GNAQ: variants seen among roughly 807,000 people sequenced by gnomAD.
The protein encoded by GNAQ is guanine nucleotide-binding protein G(q) subunit alpha.
In GNAQ, 8 loss-of-function variants were observed where a neutral mutation model predicts 43.9. That is an observed-to-expected ratio of 0.18 (90% CI 0.11 to 0.33). The LOEUF (loss-of-function observed/expected upper bound fraction) is 0.33, where lower values mean the gene tolerates loss of function less well. Among genes scored for constraint, GNAQ ranks in the 10% least tolerant of loss-of-function variants. The pLI is 1.00. For missense variants in GNAQ, 158 were observed against 450.8 expected (o/e 0.35, Z 5.88); for synonymous variants, 155 against 170.7 (o/e 0.91, Z 0.71).
At chr9:77,797,783 A>G in intron 3 of GNAQ, 135 bp from the exon 4 acceptor site, 2 of 710,738 alleles carry the variant, frequency 2.8e-6, no homozygotes, top group Non-Finnish European at 4.6e-6. Context: ...GTGGTAGAGG[A>G]GTCTGTGGAA....
At chr9:77,937,832 C>A (rs755048189) in intron 1 of GNAQ, among the ~76,000 whole-genome samples, 1 of 152,132 alleles carries the variant, frequency 6.6e-6, no homozygotes, top group South Asian at 2.1e-4. Context: ...GCGGAGGTTG[C>A]GGTGAGCTGA....
At chr9:77,814,245 AG>A (rs2118506490) in intron 3 of GNAQ, among the ~76,000 whole-genome samples, 2 of 152,262 alleles carry the variant, frequency 1.3e-5, no homozygotes, top group African/African-American at 4.8e-5. Context: ...GTGGGAGCCC[AG>A]GAGGAAGGAA....
At chr9:77,875,100 T>A (rs760698774) in intron 2 of GNAQ, among the ~76,000 whole-genome samples, 1 of 152,164 alleles carries the variant, frequency 6.6e-6, no homozygotes, top group African/African-American at 2.4e-5. Flanking sequence ...GTAAACAGCA[T>A]GCTAAATGCA....
intron 2 of GNAQ, among the ~76,000 whole-genome samples, chr9:77,817,428 A>AGGAG (rs1012341681): frequency 7.8e-5 from 11 of 140,620 alleles, no homozygotes; most frequent in South Asian, 5.3e-4. Context: ...AAGGAAGGGA[A>AGGAG]GGAGGGAGGG....
chr9:77,824,081 T>C (rs1161456804), intron 2 of GNAQ, among the ~76,000 whole-genome samples: 1 of 152,228 alleles, frequency 6.6e-6, no homozygotes, highest in Non-Finnish European at 1.5e-5. Flanking sequence ...TTCTTAGCCA[T>C]ATCTCTTTCT....
At chr9:77,865,067 C>T (rs1329876820) in intron 2 of GNAQ, among the ~76,000 whole-genome samples, 1 of 152,174 alleles carries the variant, frequency 6.6e-6, no homozygotes, top group Non-Finnish European at 1.5e-5. Flanking sequence ...TCACCCTAAG[C>T]TGCAAACGGA....
chr9:77,988,029 G>A (rs1051303366), intron 1 of GNAQ, among the ~76,000 whole-genome samples: 7 of 152,192 alleles, frequency 4.6e-5, no homozygotes, highest in African/African-American at 1.4e-4. Context: ...TTCCTGGTGC[G>A]AAAAGCAATC....
At chr9:78,008,234 A>C (rs1823730287) in intron 1 of GNAQ, among the ~76,000 whole-genome samples, 1 of 152,220 alleles carries the variant, frequency 6.6e-6, no homozygotes, top group African/African-American at 2.4e-5. Flanking sequence ...TCAAACCTTC[A>C]GTTACCTTTT....
intron 5 of GNAQ, among the ~76,000 whole-genome samples, chr9:77,731,220 T>A (rs4745666): frequency 6.6e-6 from 1 of 151,936 alleles, no homozygotes; most frequent in Non-Finnish European, 1.5e-5. Context: ...GACTAGACTA[T>A]GCGCAGAGAC....
intron 5 of GNAQ, among the ~76,000 whole-genome samples, chr9:77,776,164 C>T (rs571593918): frequency 6.6e-6 from 1 of 152,298 alleles, no homozygotes; most frequent in African/African-American, 2.4e-5. Flanking sequence ...TTGTGTTCCT[C>T]CCATCTCCCT....
At chr9:77,926,360 C>T (rs545054084) in intron 1 of GNAQ, among the ~76,000 whole-genome samples, 63 of 152,176 alleles carry the variant, frequency 4.1e-4, no homozygotes, top group African/African-American at 1.4e-3. Context: ...TTTCCTAAGG[C>T]CACATGAAAA....
chr9:78,013,237 T>C (rs985571996), intron 1 of GNAQ, among the ~76,000 whole-genome samples: 4 of 152,176 alleles, frequency 2.6e-5, no homozygotes, highest in Non-Finnish European at 5.9e-5. Flanking sequence ...CTTAGCCTTT[T>C]AATAACCATC....
intron 1 of GNAQ, among the ~76,000 whole-genome samples, chr9:77,949,481 T>C (rs1318744261): frequency 6.6e-6 from 1 of 152,092 alleles, no homozygotes; most frequent in Non-Finnish European, 1.5e-5. Flanking sequence ...AATATGAACT[T>C]GGTTAGCATG....
chr9:77,957,398 A>T (rs1476807554), intron 1 of GNAQ, among the ~76,000 whole-genome samples: 1 of 151,900 alleles, frequency 6.6e-6, no homozygotes, highest in Non-Finnish European at 1.5e-5. Flanking sequence ...AACAAACAAA[A>T]AAACCCTTAA....
intron 2 of GNAQ, among the ~76,000 whole-genome samples, chr9:77,893,022 C>T (rs1172741411): frequency 6.6e-6 from 1 of 152,138 alleles, no homozygotes; most frequent in African/African-American, 2.4e-5. Context: ...TAAGGGTAAA[C>T]TGCCCACTTT....
At chr9:77,857,506 AAAGAAGGAAGGG>A (rs1327558251) in intron 2 of GNAQ, among the ~76,000 whole-genome samples, 2 of 149,658 alleles carry the variant, frequency 1.3e-5, no homozygotes, top group South Asian at 2.2e-4. Context: ...GAGACACAGG[AAAGAAGGAAGGG>A]AAGAAGGAAG....
At chr9:78,024,246 T>A (rs1823948346) in intron 1 of GNAQ, among the ~76,000 whole-genome samples, 1 of 152,124 alleles carries the variant, frequency 6.6e-6, no homozygotes, top group African/African-American at 2.4e-5. Flanking sequence ...AGGCAAAAAC[T>A]GTTCCATCTT....
chr9:77,853,791 A>C (rs547014251), intron 2 of GNAQ, among the ~76,000 whole-genome samples: 65 of 150,904 alleles, frequency 4.3e-4, no homozygotes, highest in African/African-American at 1.4e-3. Flanking sequence ...AAAAAAAAAA[A>C]AAAAAAAAAC....
chr9:78,007,762 A>G (rs989164983), intron 1 of GNAQ, among the ~76,000 whole-genome samples: 7 of 152,226 alleles, frequency 4.6e-5, no homozygotes, highest in African/African-American at 1.7e-4. Flanking sequence ...GAGATCCCAC[A>G]CATCTGGGAA....
Sources: allele counts gnomAD v4.1 joint callset (sites outside exome capture counted in the v4.1 genomes callset), GRCh38; gene constraint gnomAD v4.1.1; transcripts MANE v1.5; gene names NCBI Gene and HGNC (gene_info 2026-07-23, HGNC 2026-07-21).